Variants in TRIP12 observed in about 807,000 individuals in gnomAD.
TRIP12 encodes the protein E3 ubiquitin-protein ligase TRIP12.
TRIP12 carries 25 observed loss-of-function variants against 244.2 expected under a neutral mutation model. That is an observed-to-expected ratio of 0.10 (90% CI 0.07 to 0.14). The LOEUF (loss-of-function observed/expected upper bound fraction) is 0.14. TRIP12 is among the 10% of genes least tolerant of loss of function. The pLI is 1.00. For missense variants in TRIP12, 1,677 were observed against 2,486.4 expected (o/e 0.67, Z 6.92); for synonymous variants, 905 against 873.1 (o/e 1.04, Z -0.64).
rs2037003509 is a variant in TRIP12, at chr2:229,778,386, G to A, written c.5364+47C>T. The A allele has an allele frequency of 6.2e-7, 1 of 1,609,994 alleles. No individual in the cohort carries two copies. The highest frequency in any genetic ancestry group is 1.1e-5 in the South Asian group (1 of 90,646). On this transcript the variant is annotated intron_variant, in intron 36 of 41. Transcript: ENST00000675903. This position sits in a 1 kb window ranked among gnomAD's most constrained non-coding sequence, Gnocchi z 4.1. Reference sequence around the variant, plus strand: ...TACAGGGGACTGAGGTACTTGCACAGAACATTCTACACCAAAACTGCAAAA... The same window carrying A: ...TACAGGGGACTGAGGTACTTGCACAAAACATTCTACACCAAAACTGCAAAA...
chr2:229,862,103 C>CTGGA (rs1330112770), intron 2 of TRIP12, among the ~76,000 whole-genome samples: 39 of 152,258 alleles, frequency 2.6e-4, no homozygotes, highest in African/African-American at 9.4e-4. Flanking sequence ...ATCGCCCAGG[C>CTGGA]TGGAGTGCAG....
At chr2:229,849,825 G>A (rs559297299) in intron 4 of TRIP12, among the ~76,000 whole-genome samples, 1 of 151,534 alleles carries the variant, frequency 6.6e-6, no homozygotes, top group South Asian at 2.1e-4. Context: ...AGTAAGCTAT[G>A]ATTATCTTCT....
chr2:229,782,483 T>C (rs2154250123), intron 34 of TRIP12, among the ~76,000 whole-genome samples: 1 of 152,258 alleles, frequency 6.6e-6, no homozygotes, highest in Admixed American at 6.5e-5. Flanking sequence ...AGTTGGCACC[T>C]GTACCACTAC....
chr2:229,837,472 TA>T (rs1559754909), intron 5 of TRIP12, among the ~76,000 whole-genome samples: 1 of 151,966 alleles, frequency 6.6e-6, no homozygotes, highest in African/African-American at 2.4e-5. Flanking sequence ...CTGTCTCTAC[TA>T]AAAATACAAA....
chr2:229,872,574 A>G (rs879835469), intron 2 of TRIP12, among the ~76,000 whole-genome samples: 2 of 152,196 alleles, frequency 1.3e-5, no homozygotes, highest in Non-Finnish European at 2.9e-5. Context: ...CAAAAAAAAT[A>G]AAGAAAAAGA....
intron 1 of TRIP12, among the ~76,000 whole-genome samples, chr2:229,897,607 A>G (rs553586981): frequency 6.6e-6 from 1 of 152,378 alleles, no homozygotes; most frequent in South Asian, 2.1e-4. Context: ...AGATCGTGCC[A>G]CTGCACTCCA....
At chr2:229,769,006 G>A (rs1228911412) in intron 40 of TRIP12, among the ~76,000 whole-genome samples, 10 of 145,242 alleles carry the variant, frequency 6.9e-5, no homozygotes, top group Non-Finnish European at 1.3e-4. Context: ...CCAACCCCTA[G>A]TATTTTCACA....
At chr2:229,794,566 A>AAAAT (rs148461987) in intron 26 of TRIP12, among the ~76,000 whole-genome samples, 251 of 149,920 alleles carry the variant, frequency 1.7e-3, no homozygotes, top group South Asian at 5.3e-3. Flanking sequence ...ACTCTGTCCC[A>AAAAT]AAATAAATAA....
intron 1 of TRIP12, among the ~76,000 whole-genome samples, chr2:229,886,813 T>C (rs1452744318): frequency 1.3e-5 from 2 of 152,150 alleles, no homozygotes; most frequent in East Asian, 1.9e-4. Flanking sequence ...GAAAACAATA[T>C]TTAATGGAAA....
At chr2:229,866,445 TTTTG>T (rs1360764510) in intron 2 of TRIP12, among the ~76,000 whole-genome samples, 19 of 152,236 alleles carry the variant, frequency 1.2e-4, no homozygotes, top group Non-Finnish European at 1.3e-4. Context: ...ACTATTTTCC[TTTTG>T]TTTATCTTTG....
upstream of TRIP12, chr2:229,922,434 A>T: frequency 2.9e-6 from 4 of 1,360,490 alleles, no homozygotes; most frequent in African/African-American, 1.4e-5. Context: ...GGTTCAATTT[A>T]AACTAGGGTT....
intron 1 of TRIP12, among the ~76,000 whole-genome samples, chr2:229,900,115 A>G (rs746442441): frequency 2.0e-5 from 3 of 152,232 alleles, no homozygotes; most frequent in South Asian, 2.1e-4. Flanking sequence ...AACTTAACAC[A>G]CTATGTACAG....
At chr2:229,828,430 G>A (rs188010366) in intron 8 of TRIP12, among the ~76,000 whole-genome samples, 1 of 151,666 alleles carries the variant, frequency 6.6e-6, no homozygotes, top group East Asian at 1.9e-4. Context: ...CAAAAATCAG[G>A]TAAGAAACAT....
At chr2:229,782,247 T>C (rs1475213707) in intron 34 of TRIP12, among the ~76,000 whole-genome samples, 1 of 152,098 alleles carries the variant, frequency 6.6e-6, no homozygotes, top group African/African-American at 2.4e-5. Context: ...GTATCTCTTA[T>C]GCCAGCAGTC....
At chr2:229,832,382 T>C (rs999473501) in intron 6 of TRIP12, among the ~76,000 whole-genome samples, 1 of 152,192 alleles carries the variant, frequency 6.6e-6, no homozygotes, top group African/African-American at 2.4e-5. Context: ...CTATCTGGCC[T>C]TTTACAAAAG....
In TRIP12 at chr2:229,804,228, C is replaced by CTAT. The variant is rs2154270770; in HGVS notation, c.2651-4_2651-2dup. ...TCCTTCTTTGACTCTGAATATCCACCTATTACATTAAAAAAAAATATATGT... is the reference window on the plus strand; with the variant it reads ...TCCTTCTTTGACTCTGAATATCCACCTATTATTACATTAAAAAAAAATATATGT... On this transcript the variant is annotated splice_acceptor_variant, in intron 18 of 41. Coordinates refer to ENST00000675903, the MANE Select transcript of TRIP12 (RefSeq NM_001348323.3). LOFTEE classifies it high-confidence loss of function. 1 of 1,604,268 alleles carries CTAT rather than the reference C, an allele frequency of 6.2e-7. No homozygotes were observed. Among genetic ancestry groups the CTAT allele is most frequent in the East Asian group, 2.2e-5 (1 of 44,810 alleles).
In TRIP12 at chr2:229,802,362, T is replaced by TGTGGATCCC. The variant is rs1264817177; in HGVS notation, c.3087_3095dup (p.Gly1030_Thr1032dup). ...TGGCTGTCCCACTGCTGACTGAAGTTGTGGATCCCATGGATCCCGATCCAT... is the reference window on the plus strand; with the variant it reads ...TGGCTGTCCCACTGCTGACTGAAGTTGTGGATCCCGTGGATCCCATGGATCCCGATCCAT... On this transcript the variant is annotated inframe_insertion, in exon 21 of 42. Coordinates refer to ENST00000675903, the MANE Select transcript of TRIP12 (RefSeq NM_001348323.3). 1.9e-6 allele frequency: 3 copies of TGTGGATCCC among 1,613,854 alleles called. No individual in the cohort carries two copies. Among genetic ancestry groups the TGTGGATCCC allele is most frequent in the African/African-American group, 2.7e-5 (2 of 74,928 alleles).
intron 1 of TRIP12, among the ~76,000 whole-genome samples, chr2:229,908,690 G>A (rs977740119): frequency 4.6e-5 from 7 of 151,270 alleles, no homozygotes; most frequent in South Asian, 2.1e-4. Context: ...CCGAGATTGC[G>A]CCACTACACT....
chr2:229,888,421 AT>A (rs2066512736), intron 1 of TRIP12, among the ~76,000 whole-genome samples: 1 of 152,178 alleles, frequency 6.6e-6, no homozygotes, highest in Admixed American at 6.5e-5. Context: ...AGGATGAAAT[AT>A]TGGGAAATGC....
Sources: allele counts gnomAD v4.1 joint callset (sites outside exome capture counted in the v4.1 genomes callset), GRCh38; gene constraint gnomAD v4.1.1; non-coding constraint Gnocchi (gnomAD v3.1); transcripts MANE v1.5; gene names NCBI Gene and HGNC (gene_info 2026-07-23, HGNC 2026-07-21).